Variants in SSBP3 observed in about 807,000 individuals in gnomAD.
SSBP3 encodes the protein single stranded DNA binding protein 3, also known as single-stranded DNA-binding protein 3.
In SSBP3, 5 loss-of-function variants were observed where a neutral mutation model predicts 69.6. The observed-to-expected ratio is 0.07, with a 90% CI of 0.04 to 0.15. The LOEUF (loss-of-function observed/expected upper bound fraction) is 0.15, where lower values mean the gene tolerates loss of function less well. Ranked by LOEUF, SSBP3 falls within the 10% of genes least tolerant of loss-of-function variation. SSBP3 has a pLI of 1.00. For synonymous variants in SSBP3, 196 were observed against 193.4 expected, an observed-to-expected ratio of 1.01 and a Z score of -0.11; for missense variants, 312 against 534.0, an observed-to-expected ratio of 0.58 and a Z score of 4.10.
chr1:54,317,618 T>C (rs1646137312), intron 4 of SSBP3, among the ~76,000 whole-genome samples: 1 of 152,074 alleles, frequency 6.6e-6, no homozygotes, highest in Non-Finnish European at 1.5e-5. Flanking sequence ...CTGGGCAGCC[T>C]TTTTTCCAAG....
intron 4 of SSBP3, among the ~76,000 whole-genome samples, chr1:54,291,829 G>A (rs967860276): frequency 1.2e-4 from 18 of 152,218 alleles, no homozygotes; most frequent in African/African-American, 1.9e-4. Flanking sequence ...AGCCCTCCAC[G>A]CCCAGCTGTC....
At chr1:54,239,311 T>C (rs1644561914) in intron 13 of SSBP3, 112 bp from the exon 14 acceptor site, 1 of 783,724 alleles carries the variant, frequency 1.3e-6, no homozygotes, top group African/African-American at 1.8e-5. Context: ...AAATTTCCTC[T>C]AAGTACCACC....
chr1:54,283,094 C>T (rs1645425840), intron 4 of SSBP3, among the ~76,000 whole-genome samples: 1 of 152,094 alleles, frequency 6.6e-6, no homozygotes, highest in Non-Finnish European at 1.5e-5. Flanking sequence ...TGGCAAAACC[C>T]CATCTCAACT....
chr1:54,306,637 T>C (rs112416036), intron 4 of SSBP3, among the ~76,000 whole-genome samples: 1 of 152,094 alleles, frequency 6.6e-6, no homozygotes, highest in African/African-American at 2.4e-5. Context: ...TTGGTATTTC[T>C]GTGTGCTGAG....
intron 3 of SSBP3, among the ~76,000 whole-genome samples, chr1:54,402,887 G>T (rs557560895): frequency 6.6e-6 from 1 of 152,254 alleles, no homozygotes; most frequent in Non-Finnish European, 1.5e-5. Flanking sequence ...TCAGGAGCCC[G>T]AGGCCCAGGG....
At chr1:54,402,829 C>G (rs1042661893) in intron 3 of SSBP3, among the ~76,000 whole-genome samples, 1 of 152,214 alleles carries the variant, frequency 6.6e-6, no homozygotes, top group Non-Finnish European at 1.5e-5. Context: ...CCTATTCAAA[C>G]ACGGAGTTGT....
At chr1:54,395,300 G>A (rs941792342) in intron 4 of SSBP3, among the ~76,000 whole-genome samples, 5 of 152,220 alleles carry the variant, frequency 3.3e-5, no homozygotes, top group Non-Finnish European at 5.9e-5. Context: ...ACAGTAAAGA[G>A]ATGGACCTTG....
intron 13 of SSBP3, among the ~76,000 whole-genome samples, chr1:54,240,124 C>T (rs1167415430): frequency 8.8e-5 from 1 of 11,420 alleles, no homozygotes. Flanking sequence ...GCGCGCGCAA[C>T]ACATGCCCAC....
chr1:54,300,169 T>C (rs1211282883), intron 4 of SSBP3, among the ~76,000 whole-genome samples: 1 of 152,122 alleles, frequency 6.6e-6, no homozygotes, highest in African/African-American at 2.4e-5. Context: ...AGAGTCTTCA[T>C]TGACTCCAAA....
chr1:54,359,089 G>A (rs1053851001), intron 4 of SSBP3, among the ~76,000 whole-genome samples: 2 of 152,104 alleles, frequency 1.3e-5, no homozygotes, highest in Non-Finnish European at 2.9e-5. Context: ...CCAGAAGCCA[G>A]GGAGATGCCT....
At chr1:54,354,843 G>A (rs775877701) in intron 4 of SSBP3, among the ~76,000 whole-genome samples, 169 of 152,282 alleles carry the variant, frequency 1.1e-3, no homozygotes, top group Non-Finnish European at 4.7e-4. Flanking sequence ...GGGAGGAGTG[G>A]ACTTCAGAAC....
intron 17 of SSBP3, 110 bp downstream of exon 17, chr1:54,228,145 G>A (rs763937819): frequency 6.0e-6 from 6 of 996,638 alleles, no homozygotes; most frequent in Non-Finnish European, 9.6e-6. Flanking sequence ...ACCATAACAC[G>A]GCCACCAGCT....
intron 4 of SSBP3, among the ~76,000 whole-genome samples, chr1:54,322,441 T>C (rs757329749): frequency 3.4e-4 from 52 of 152,118 alleles, no homozygotes; most frequent in Admixed American, 4.6e-4. Context: ...CAGAACTTTT[T>C]GGGAGTTCTT....
chr1:54,318,579 A>G (rs551814613), intron 4 of SSBP3, among the ~76,000 whole-genome samples: 2 of 152,288 alleles, frequency 1.3e-5, no homozygotes, highest in Admixed American at 1.3e-4. Flanking sequence ...GGGAGGATAA[A>G]GCTTTCCAAG....
intron 4 of SSBP3, among the ~76,000 whole-genome samples, chr1:54,386,335 C>T (rs1027953200): frequency 1.3e-5 from 2 of 152,304 alleles, no homozygotes; most frequent in East Asian, 3.9e-4. Flanking sequence ...CCTTCAGATA[C>T]ATTTTATCCT....
At chr1:54,253,562 T>G (rs1369290339) in intron 7 of SSBP3, among the ~76,000 whole-genome samples, 2 of 152,180 alleles carry the variant, frequency 1.3e-5, no homozygotes, top group African/African-American at 2.4e-5. Context: ...TTCCAATCCC[T>G]GGATTTTTAG....
chr1:54,321,094 A>G (rs1646204028), intron 4 of SSBP3, among the ~76,000 whole-genome samples: 2 of 152,196 alleles, frequency 1.3e-5, no homozygotes, highest in Admixed American at 6.5e-5. Context: ...AGAACTCCCA[A>G]GAAGCCCTTC....
chr1:54,407,403 G>T (rs1649854462), upstream of SSBP3, among the ~76,000 whole-genome samples: 3 of 152,078 alleles, frequency 2.0e-5, no homozygotes, highest in African/African-American at 7.2e-5. Context: ...CGTAGGGGGA[G>T]GGGAAGCTTC....
intron 4 of SSBP3, among the ~76,000 whole-genome samples, chr1:54,335,259 G>A (rs1226911030): frequency 6.6e-6 from 1 of 152,216 alleles, no homozygotes; most frequent in Non-Finnish European, 1.5e-5. Context: ...CAAGGCCTCC[G>A]CTGCATTCCT....
Sources: gnomAD v4.1 joint callset for allele counts (sites outside exome capture counted in the v4.1 genomes callset) on GRCh38, gnomAD v4.1.1 for gene constraint, MANE v1.5 for transcripts, NCBI Gene and HGNC (gene_info 2026-07-23, HGNC 2026-07-21) for gene names.